GARIN1B: variants seen among roughly 807,000 people sequenced by gnomAD.
GARIN1B encodes the protein golgi associated RAB2 interactor 1B, also known as Golgi-associated RAB2 interactor protein 1B.
At chr7:128,724,592 G>T in the GARIN1B span, among the ~76,000 whole-genome samples, 1 of 152,168 alleles carries the variant, frequency 6.6e-6, no homozygotes, top group Admixed American at 6.5e-5. Flanking sequence ...AGAGACAGGA[G>T]TTGAGCGTAC....
the GARIN1B span, chr7:128,726,780 T>G: frequency 6.2e-7 from 1 of 1,606,524 alleles, no homozygotes; most frequent in Non-Finnish European, 8.5e-7. Context: ...TTAATGTTCT[T>G]TTCCTTTACT....
the GARIN1B span, chr7:128,723,469 T>A: frequency 3.3e-6 from 3 of 896,144 alleles, no homozygotes; most frequent in Non-Finnish European, 4.8e-6. Flanking sequence ...TCCCGGCACT[T>A]TGGGAGGTCA....
At chr7:128,722,368 C>T in the GARIN1B span, among the ~76,000 whole-genome samples, 26 of 152,144 alleles carry the variant, frequency 1.7e-4, no homozygotes, top group South Asian at 3.5e-3. Flanking sequence ...TCAATAAATA[C>T]GGAATGAATG....
the GARIN1B span, chr7:128,715,248 C>T: frequency 2.1e-6 from 3 of 1,420,670 alleles, no homozygotes; most frequent in South Asian, 3.1e-5. Context: ...ATAAGGCACA[C>T]AAGCTCTCTG....
At chr7:128,718,878 A>G in the GARIN1B span, 2 of 1,614,084 alleles carry the variant, frequency 1.2e-6, no homozygotes, top group Non-Finnish European at 1.7e-6. Flanking sequence ...GACCACTATC[A>G]ACGCATCCTG....
chr7:128,726,697 G>T, the GARIN1B span: 3 of 842,196 alleles, frequency 3.6e-6, no homozygotes, highest in Non-Finnish European at 5.3e-6. Flanking sequence ...AGCCACAGCT[G>T]GCCTTTTTCA....
the GARIN1B span, among the ~76,000 whole-genome samples, chr7:128,730,392 G>A: frequency 1.4e-4 from 22 of 151,966 alleles, no homozygotes; most frequent in Non-Finnish European, 2.6e-4. Context: ...TGGAGCTCTT[G>A]AAGGGCCTTC....
At chr7:128,720,616 A>G in the GARIN1B span, among the ~76,000 whole-genome samples, 2 of 152,172 alleles carry the variant, frequency 1.3e-5, no homozygotes, top group African/African-American at 4.8e-5. Context: ...TAGGTCTATG[A>G]TCCATTTTGA....
the GARIN1B span, chr7:128,716,962 C>T: frequency 1.2e-6 from 2 of 1,613,330 alleles, no homozygotes; most frequent in Non-Finnish European, 1.7e-6. Context: ...AGACATGGAA[C>T]AGACCATCCA....
At chr7:128,716,941 G>C in the GARIN1B span, 1 of 1,613,998 alleles carries the variant, frequency 6.2e-7, no homozygotes. Flanking sequence ...AATGGCACCA[G>C]GGGCAGAACC....
chr7:128,715,783 G>A, the GARIN1B span: 1 of 1,163,674 alleles, frequency 8.6e-7, no homozygotes, highest in Non-Finnish European at 1.3e-6. Flanking sequence ...AACTGGGGCA[G>A]AGTGAGAATT....
At chr7:128,724,841 A>G in the GARIN1B span, 215,803 of 1,289,156 alleles carry the variant, frequency 0.17, 19,698 homozygotes, top group East Asian at 0.41. Flanking sequence ...TAAACTGAAA[A>G]CCAGTACAGC....
At chr7:128,731,125 G>A in the GARIN1B span, 6 of 1,608,432 alleles carry the variant, frequency 3.7e-6, no homozygotes, top group South Asian at 2.2e-5. Flanking sequence ...CCACCCTTCC[G>A]CACTGGGGAG....
the GARIN1B span, chr7:128,723,552 T>TA: frequency 1.8e-5 from 4 of 225,078 alleles, no homozygotes; most frequent in Non-Finnish European, 3.2e-5. Flanking sequence ...CACTATCCAG[T>TA]CTTTTTTTTT....
At chr7:128,713,069 T>A in the GARIN1B span, among the ~76,000 whole-genome samples, 1 of 151,716 alleles carries the variant, frequency 6.6e-6, no homozygotes, top group African/African-American at 2.4e-5. Context: ...CTTTGGGAGG[T>A]CAAGGCGGTT....
the GARIN1B span, chr7:128,719,215 C>A: frequency 2.8e-5 from 19 of 690,478 alleles, no homozygotes; most frequent in South Asian, 5.7e-4. Flanking sequence ...TATTGAGTAT[C>A]ATTTAGAACA....
the GARIN1B span, among the ~76,000 whole-genome samples, chr7:128,721,003 C>A: frequency 6.6e-6 from 1 of 151,064 alleles, no homozygotes; most frequent in African/African-American, 2.5e-5. Flanking sequence ...AAAAAAAAAA[C>A]CTGTTAGAAT....
chr7:128,709,750 C>CTTTTTTTTT, the GARIN1B span, among the ~76,000 whole-genome samples: 3 of 114,618 alleles, frequency 2.6e-5, no homozygotes, highest in African/African-American at 6.9e-5. Context: ...CTCTCTCTCT[C>CTTTTTTTTT]TTTTTTTTTT....
chr7:128,714,156 G>A, the GARIN1B span: 1 of 1,535,026 alleles, frequency 6.5e-7, no homozygotes, highest in African/African-American at 1.4e-5. Flanking sequence ...GGCCCTTTAG[G>A]CTTCTCCCTG....
Sources: allele counts gnomAD v4.1 joint callset (sites outside exome capture counted in the v4.1 genomes callset), GRCh38; gene constraint gnomAD v4.1.1; transcripts MANE v1.5; gene names NCBI Gene and HGNC (gene_info 2026-07-23, HGNC 2026-07-21).